The following PRKG1 variants were observed in gnomAD, a reference collection of about 807,000 sequenced individuals.
PRKG1 encodes the protein protein kinase cGMP-dependent 1.
Under a neutral mutation model 88.1 loss-of-function variants are expected in PRKG1, and 35 were observed. The observed-to-expected ratio is 0.40, with a 90% CI of 0.30 to 0.53. The LOEUF (loss-of-function observed/expected upper bound fraction) is 0.53. Ranked by LOEUF, PRKG1 falls within the 20% of genes least tolerant of loss-of-function variation. The probability of loss-of-function intolerance (pLI) is 0.59; values close to 1 mark genes in which losing one functional copy is unlikely to be tolerated. For missense variants in PRKG1, 540 were observed against 839.8 expected (o/e 0.64, Z 4.41); for synonymous variants, 303 against 292.5 (o/e 1.04, Z -0.37).
intron 2 of PRKG1, among the ~76,000 whole-genome samples, chr10:51,414,282 A>G (rs1838180230): frequency 6.6e-6 from 1 of 152,234 alleles, no homozygotes; most frequent in Non-Finnish European, 1.5e-5. Flanking sequence ...AATGATGGGT[A>G]GGTCCAAGGG....
intron 1 of PRKG1, among the ~76,000 whole-genome samples, chr10:51,062,060 A>G (rs1463222185): frequency 6.6e-6 from 1 of 152,092 alleles, no homozygotes; most frequent in East Asian, 1.9e-4. Flanking sequence ...AGAGTATGAT[A>G]CTCTGGATTA....
At chr10:51,980,445 T>A (rs978720731) in intron 5 of PRKG1, among the ~76,000 whole-genome samples, 3 of 152,194 alleles carry the variant, frequency 2.0e-5, no homozygotes, top group Non-Finnish European at 4.4e-5. Flanking sequence ...ATGAGAAGAA[T>A]GTATAGTCTG....
chr10:51,016,283 C>G (rs1292267321), intron 1 of PRKG1, among the ~76,000 whole-genome samples: 1 of 152,156 alleles, frequency 6.6e-6, no homozygotes, highest in Non-Finnish European at 1.5e-5. Context: ...TCTGCCAGCT[C>G]TGTGTTTTAC....
chr10:52,101,303 A>G (rs1372797981), intron 7 of PRKG1, among the ~76,000 whole-genome samples: 1 of 152,152 alleles, frequency 6.6e-6, no homozygotes, highest in Non-Finnish European at 1.5e-5. Flanking sequence ...CATACTTTAC[A>G]GCCTAAAAAT....
chr10:51,540,126 G>C (rs533698170), intron 3 of PRKG1, among the ~76,000 whole-genome samples: 1 of 152,192 alleles, frequency 6.6e-6, no homozygotes, highest in African/African-American at 2.4e-5. Context: ...AAAATGTCAG[G>C]CTGAGATACC....
At chr10:51,774,872 A>T (rs1838394663) in intron 3 of PRKG1, among the ~76,000 whole-genome samples, 1 of 152,144 alleles carries the variant, frequency 6.6e-6, no homozygotes, top group Non-Finnish European at 1.5e-5. Flanking sequence ...AAATGGAAGT[A>T]TACAAGCCTG....
chr10:51,926,387 T>C (rs1194910585), intron 5 of PRKG1, among the ~76,000 whole-genome samples: 2 of 152,190 alleles, frequency 1.3e-5, no homozygotes, highest in African/African-American at 4.8e-5. Flanking sequence ...CGTAGCAGAA[T>C]TGATTCAGCA....
chr10:52,029,684 G>T (rs1000242229), intron 5 of PRKG1, among the ~76,000 whole-genome samples: 20 of 152,170 alleles, frequency 1.3e-4, no homozygotes, highest in African/African-American at 2.4e-5. Context: ...CCAGCTCTAG[G>T]TTATCTAATT....
At chr10:51,175,233 T>C (rs16914983) in intron 2 of PRKG1, among the ~76,000 whole-genome samples, 5,703 of 152,000 alleles carry the variant, frequency 0.038, 353 homozygotes, top group African/African-American at 0.13. Context: ...CATTTAACTC[T>C]TCTAATTCAT....
intron 1 of PRKG1, among the ~76,000 whole-genome samples, chr10:51,056,654 A>C (rs1219787687): frequency 6.6e-6 from 1 of 152,194 alleles, no homozygotes; most frequent in East Asian, 1.9e-4. Flanking sequence ...AGCTCTGATC[A>C]TGACACTTTG....
intron 3 of PRKG1, among the ~76,000 whole-genome samples, chr10:51,608,726 A>C (rs1838828345): frequency 1.3e-5 from 2 of 152,152 alleles, no homozygotes; most frequent in Admixed American, 6.6e-5. Context: ...TCTGTCCAAA[A>C]ATTTCTGTTA....
At chr10:51,651,345 A>T (rs777716087) in intron 3 of PRKG1, among the ~76,000 whole-genome samples, 3 of 151,980 alleles carry the variant, frequency 2.0e-5, no homozygotes, top group African/African-American at 4.8e-5. Context: ...CACAACCTGT[A>T]CTTCCCTACT....
chr10:52,072,516 G>A (rs898349216), intron 7 of PRKG1, among the ~76,000 whole-genome samples: 1 of 152,026 alleles, frequency 6.6e-6, no homozygotes, highest in African/African-American at 2.4e-5. Context: ...TTTTTCCTAC[G>A]GGGCAAGTCA....
At chr10:51,457,835 C>G (rs1839630155) in intron 2 of PRKG1, among the ~76,000 whole-genome samples, 1 of 152,056 alleles carries the variant, frequency 6.6e-6, no homozygotes, top group Non-Finnish European at 1.5e-5. Flanking sequence ...TCAGTTTTTC[C>G]TTATTCTTGA....
intron 2 of PRKG1, among the ~76,000 whole-genome samples, chr10:51,422,711 T>G (rs1385671788): frequency 6.6e-6 from 1 of 152,208 alleles, no homozygotes; most frequent in Non-Finnish European, 1.5e-5. Context: ...CTCCTGCCTT[T>G]CCTTTTTAAG....
intron 1 of PRKG1, among the ~76,000 whole-genome samples, chr10:50,996,650 C>T (rs1823818921): frequency 6.6e-6 from 1 of 152,184 alleles, no homozygotes; most frequent in Admixed American, 6.5e-5. Flanking sequence ...GTGTTACAGG[C>T]AGGGCATATG....
intron 5 of PRKG1, chr10:51,909,740 G>C (rs762222892): frequency 6.6e-6 from 1 of 151,926 alleles, no homozygotes; most frequent in Non-Finnish European, 1.5e-5. Flanking sequence ...AAAATCAGGA[G>C]CTTTTTGCTT....
intron 9 of PRKG1, among the ~76,000 whole-genome samples, chr10:52,207,055 G>A (rs1415249255): frequency 6.6e-6 from 1 of 152,212 alleles, no homozygotes; most frequent in Non-Finnish European, 1.5e-5. Flanking sequence ...TGGCATTCAT[G>A]CACACTTACC....
intron 7 of PRKG1, among the ~76,000 whole-genome samples, chr10:52,065,978 A>G (rs1171289257): frequency 1.3e-5 from 2 of 152,022 alleles, no homozygotes; most frequent in Non-Finnish European, 2.9e-5. Flanking sequence ...AATGCCAGAA[A>G]ATAAGGCCCC....
Sources: allele counts gnomAD v4.1 joint callset (sites outside exome capture counted in the v4.1 genomes callset), GRCh38; gene constraint gnomAD v4.1.1; transcripts MANE v1.5; gene names NCBI Gene and HGNC (gene_info 2026-07-23, HGNC 2026-07-21).